Variants in CREB5 observed in about 807,000 individuals in gnomAD.
The protein encoded by CREB5 is cyclic AMP-responsive element-binding protein 5.
CREB5 carries 19 observed loss-of-function variants against 57.1 expected under a neutral mutation model. That is an observed-to-expected ratio of 0.33 (90% confidence interval 0.23 to 0.49). The LOEUF (loss-of-function observed/expected upper bound fraction) is 0.49. Among genes scored for constraint, CREB5 ranks in the 20% least tolerant of loss-of-function variants. The pLI is 0.99. For synonymous variants in CREB5, 238 were observed against 238.3 expected, an observed-to-expected ratio of 1.00 and a Z score of 0.01; for missense variants, 579 against 671.6, an observed-to-expected ratio of 0.86 and a Z score of 1.52.
chr7:28,429,404 A>G (rs1301082665), intron 1 of CREB5, among the ~76,000 whole-genome samples: 5 of 152,238 alleles, frequency 3.3e-5, no homozygotes, highest in Admixed American at 6.5e-5. Context: ...GTTCATCACC[A>G]TTTTCTCAGC....
At chr7:28,363,349 T>A (rs1786527349) in intron 1 of CREB5, among the ~76,000 whole-genome samples, 1 of 152,176 alleles carries the variant, frequency 6.6e-6, no homozygotes, top group Non-Finnish European at 1.5e-5. Context: ...TTGGCTAGGA[T>A]GACCTAATTT....
intron 5 of CREB5, among the ~76,000 whole-genome samples, chr7:28,649,129 T>C (rs187895283): frequency 3.3e-5 from 5 of 152,324 alleles, no homozygotes; most frequent in Non-Finnish European, 7.3e-5. Flanking sequence ...AGGTGAACTA[T>C]ATACGAAGCA....
At chr7:28,380,463 G>T (rs1229781050) in intron 1 of CREB5, among the ~76,000 whole-genome samples, 1 of 152,198 alleles carries the variant, frequency 6.6e-6, no homozygotes, top group Non-Finnish European at 1.5e-5. Context: ...GTGCTAGATT[G>T]CTGCAAAGAA....
chr7:28,327,784 C>G (rs1453133623), intron 1 of CREB5, among the ~76,000 whole-genome samples: 1 of 152,176 alleles, frequency 6.6e-6, no homozygotes, highest in Non-Finnish European at 1.5e-5. Context: ...GTACCTCCCC[C>G]TGAGAGAGAA....
At chr7:28,455,659 G>C (rs1333136328) in intron 1 of CREB5, among the ~76,000 whole-genome samples, 4 of 152,014 alleles carry the variant, frequency 2.6e-5, no homozygotes, top group African/African-American at 9.7e-5. Context: ...CTGCGCTTTG[G>C]GGCTTTGATG....
intron 4 of CREB5, among the ~76,000 whole-genome samples, chr7:28,532,039 A>G (rs986056540): frequency 2.6e-5 from 4 of 152,234 alleles, no homozygotes; most frequent in African/African-American, 9.6e-5. Context: ...AAAAATAAAT[A>G]AAAACTGAGG....
At chr7:28,552,858 G>A (rs1013290715) in intron 4 of CREB5, among the ~76,000 whole-genome samples, 7 of 152,192 alleles carry the variant, frequency 4.6e-5, no homozygotes, top group African/African-American at 1.7e-4. Flanking sequence ...TCCTGGAAAT[G>A]TTTCTTACAC....
At chr7:28,505,905 C>A (rs1358499367) in intron 3 of CREB5, among the ~76,000 whole-genome samples, 1 of 152,066 alleles carries the variant, frequency 6.6e-6, no homozygotes, top group Non-Finnish European at 1.5e-5. Flanking sequence ...TATATGTGTG[C>A]CTCTTAATAA....
intron 4 of CREB5, among the ~76,000 whole-genome samples, chr7:28,537,364 A>G (rs1488273681): frequency 7.2e-6 from 1 of 139,424 alleles, no homozygotes; most frequent in Non-Finnish European, 1.5e-5. Context: ...ATTTCCTACA[A>G]CATGCACTTA....
At chr7:28,742,823 C>T (rs963825593) in intron 7 of CREB5, among the ~76,000 whole-genome samples, 13 of 152,024 alleles carry the variant, frequency 8.6e-5, no homozygotes, top group Non-Finnish European at 1.3e-4. Context: ...ACTCTCGTTG[C>T]CCAAGGTGGA....
intron 3 of CREB5, among the ~76,000 whole-genome samples, chr7:28,496,319 G>A (rs1792043760): frequency 6.6e-6 from 1 of 152,204 alleles, no homozygotes; most frequent in African/African-American, 2.4e-5. Flanking sequence ...CCTGGCTCAT[G>A]TAATTTAGTG....
chr7:28,532,971 C>T (rs1055144813), intron 4 of CREB5, among the ~76,000 whole-genome samples: 25 of 152,206 alleles, frequency 1.6e-4, no homozygotes, highest in African/African-American at 5.8e-4. Context: ...GGAAGATCCA[C>T]TTATGACATA....
chr7:28,563,924 C>A (rs1003629073), intron 4 of CREB5, among the ~76,000 whole-genome samples: 6 of 152,142 alleles, frequency 3.9e-5, no homozygotes, highest in Admixed American at 6.5e-5. Flanking sequence ...TACCTCACTA[C>A]CCCCTTGGTC....
intron 1 of CREB5, among the ~76,000 whole-genome samples, chr7:28,362,929 C>T (rs1786517463): frequency 6.6e-6 from 1 of 152,024 alleles, no homozygotes; most frequent in African/African-American, 2.4e-5. Flanking sequence ...TAAATGAGAC[C>T]ATGTGTGCAC....
At chr7:28,749,763 A>G (rs1804876393) in intron 7 of CREB5, among the ~76,000 whole-genome samples, 1 of 152,126 alleles carries the variant, frequency 6.6e-6, no homozygotes, top group Non-Finnish European at 1.5e-5. Flanking sequence ...TGTGTTTATT[A>G]GGTTGCTAGG....
chr7:28,696,656 C>T (rs1020391595), intron 5 of CREB5, among the ~76,000 whole-genome samples: 1 of 151,984 alleles, frequency 6.6e-6, no homozygotes, highest in Non-Finnish European at 1.5e-5. Context: ...TATTCTGTAT[C>T]ACAGCCCAGT....
chr7:28,375,716 T>G (rs987614391), intron 1 of CREB5, among the ~76,000 whole-genome samples: 3 of 151,808 alleles, frequency 2.0e-5, no homozygotes, highest in African/African-American at 7.3e-5. Flanking sequence ...GTGAGTACTG[T>G]TCAAAATGGA....
At chr7:28,591,692 G>A (rs577307246) in intron 5 of CREB5, among the ~76,000 whole-genome samples, 3 of 152,302 alleles carry the variant, frequency 2.0e-5, no homozygotes, top group East Asian at 1.9e-4. Context: ...GACAATCTGA[G>A]CCCAAAGCTT....
At chr7:28,419,466 TGTTG>T (rs1422736206) in intron 1 of CREB5, among the ~76,000 whole-genome samples, 1,502 of 152,360 alleles carry the variant, frequency 9.9e-3, no homozygotes, top group Non-Finnish European at 0.017. Flanking sequence ...ATGGGTGAGC[TGTTG>T]ATTAATAGTG....
Sources: gnomAD v4.1 joint callset for allele counts (sites outside exome capture counted in the v4.1 genomes callset) on GRCh38, gnomAD v4.1.1 for gene constraint, MANE v1.5 for transcripts, NCBI Gene and HGNC (gene_info 2026-07-23, HGNC 2026-07-21) for gene names.